COL20A1: variants seen among roughly 807,000 people sequenced by gnomAD.
COL20A1 encodes collagen alpha-1(XX) chain.
COL20A1 carries 164 observed loss-of-function variants against 152.9 expected under a neutral mutation model. The ratio of observed to expected loss-of-function variants is 1.07; its 90% CI spans 0.94 to 1.22. COL20A1 has a LOEUF of 1.22. COL20A1 is among the 50% of genes most tolerant of loss of function. The pLI is 0.00. For synonymous variants in COL20A1, 864 were observed against 756.0 expected, an observed-to-expected ratio of 1.14 and a Z score of -2.34; for missense variants, 1,873 against 1,744.8, an observed-to-expected ratio of 1.07 and a Z score of -1.31.
At chr20:63,314,913 C>G (rs551127660) in intron 19 of COL20A1, among the ~76,000 whole-genome samples, 35 of 148,708 alleles carry the variant, frequency 2.4e-4, no homozygotes, top group Middle Eastern at 3.7e-3. Flanking sequence ...CCCTGGCCCC[C>G]AGGACATGCG....
chr20:63,305,353 C>T lies in COL20A1; in HGVS notation c.194-64C>T, dbSNP rs899774227. On this transcript the variant is annotated intron_variant, in intron 3 of 35. Transcript: ENST00000358894. This position sits in a 1 kb window ranked among gnomAD's most constrained non-coding sequence, Gnocchi z 4.9. ...GGAGGAGCCAAGAGGGTTTCACTCC[C>T]CGCCGTGACAGATGCACACACGTGT... The T allele has an allele frequency of 2.2e-5, 30 of 1,333,498 alleles. No individual in the cohort carries two copies. Among genetic ancestry groups the T allele is most frequent in the Admixed American group, 3.7e-5 (1 of 26,948 alleles). 82.6% of individuals were successfully genotyped at this position (1,333,498 alleles called of 1,614,324 possible). A position where few individuals can be genotyped will look rare whatever the true frequency, so the allele number is the denominator to read the frequency against.
intron 20 of COL20A1, 58 bp from the exon 21 acceptor site, chr20:63,316,491 TCCTC>T: frequency 1.4e-6 from 2 of 1,424,832 alleles, no homozygotes; most frequent in Non-Finnish European, 1.9e-6. Flanking sequence ...TCCTGCCCCT[TCCTC>T]CCTCCCCTGC....
At chr20:63,295,065 C>G in intron 1 of COL20A1, 33 bp from the exon 2 acceptor site, 7 of 1,400,856 alleles carry the variant, frequency 5.0e-6, no homozygotes, top group Non-Finnish European at 6.8e-6. Flanking sequence ...GACGGGGGGA[C>G]GGCTGAAGGG....
Position 63,319,138 on chromosome 20 carries a change from C to T in COL20A1, c.2744C>T (p.Ala915Val), listed in dbSNP as rs2068123103. The T allele has an allele frequency of 6.2e-7, 1 of 1,613,186 alleles. No homozygotes were observed. The highest frequency in any genetic ancestry group is 8.5e-7 in the Non-Finnish European group (1 of 1,179,738). ...VRLLPETPREAFALWQMTAED... is the reference protein window; with the variant it reads ...VRLLPETPREVFALWQMTAED... ...CTACTTCCCGAGACACCCCGTGAGG[C>T]CTTCGCGCTGTGGCAGATGACAGCC... Residue 915 changes from alanine (A) to valine (V), a missense_variant, in exon 22 of 36, where the codon GCC (alanine) becomes GTC (valine). Ala to Val is a moderately conservative substitution (Grantham distance 64). Coordinates refer to ENST00000358894, the MANE Select transcript of COL20A1 (RefSeq NM_020882.4). This position sits in a 1 kb window ranked among gnomAD's most constrained non-coding sequence, Gnocchi z 4.4.
In COL20A1 at chr20:63,329,637, C is replaced by A. The variant is rs2068305872; in HGVS notation, c.3834C>A (p.Ser1278Arg). Residue 1278 changes from serine to arginine, a missense_variant, in exon 35 of 36, where the codon AGC (serine) becomes AGA (arginine). Ser to Arg is a moderately radical substitution (Grantham distance 110, BLOSUM62 -1). Transcript: ENST00000358894. Reference sequence around the variant, plus strand: ...GCAGCCCTGGGCAGCAGGGGGCTAGCACCCAGGGCCTCTGGGAGTGACAGG... The same window carrying A: ...GCAGCCCTGGGCAGCAGGGGGCTAGAACCCAGGGCCTCTGGGAGTGACAGG... ...QMGSPGQQGA[S>R]TQGLWE The A allele has an allele frequency of 1.2e-6, 2 of 1,601,678 alleles. No individual in the cohort carries two copies. The highest frequency in any genetic ancestry group is 2.7e-5 in the African/African-American group (2 of 74,840).
At chr20:63,296,972 C>G (rs1249463496) in intron 2 of COL20A1, among the ~76,000 whole-genome samples, 1 of 152,250 alleles carries the variant, frequency 6.6e-6, no homozygotes, top group Non-Finnish European at 1.5e-5. Context: ...CACCAACCCT[C>G]TCCAGAGCCC....
chr20:63,328,235 G>A (rs774323216), intron 33 of COL20A1, 96 bp from the exon 34 acceptor site: 22 of 1,555,574 alleles, frequency 1.4e-5, no homozygotes, highest in African/African-American at 9.5e-5. Context: ...TTCACCCATC[G>A]TTAGCACACC....
At position 63,321,055 on chromosome 20, in the gene COL20A1, T is replaced by G. The variant is rs1601434354; in HGVS notation, c.3196T>G (p.Cys1066Gly). The G allele has an allele frequency of 1.1e-5, 17 of 1,602,594 alleles. No homozygotes were observed. In the African/African-American group the frequency reaches 1.9e-4, roughly 18 times the overall value. Residue 1066 changes from cysteine (C) to glycine (G), a missense_variant, in exon 26 of 36, where the codon TGT becomes GGT. By Grantham distance (159) the Cys-to-Gly change is radical. Transcript: ENST00000358894. Reference protein sequence around the residue: ...TCPAFVSACSCSSETPGPPGP... With the variant: ...TCPAFVSACSGSSETPGPPGP... Reference sequence around the variant, plus strand: ...CCCCGCCTTCGTGTCTGCCTGTTCCTGTTCCTCAGAGACCCCTGGGCCCCC... The same window carrying G: ...CCCCGCCTTCGTGTCTGCCTGTTCCGGTTCCTCAGAGACCCCTGGGCCCCC...
rs1262302388 is a variant in COL20A1, at chr20:63,332,811, C to A, written c.*2095C>A. The A allele has an allele frequency of 6.6e-6, 1 of 152,292 alleles. No individual in the cohort carries two copies. Among genetic ancestry groups the A allele is most frequent in the African/African-American group, 2.4e-5 (1 of 41,458 alleles). 9.4% of individuals were successfully genotyped at this position (152,292 alleles called of 1,614,324 possible). A position where few individuals can be genotyped will look rare whatever the true frequency, so the allele number is the denominator to read the frequency against. On this transcript the variant is annotated 3_prime_UTR_variant, in exon 36 of 36. Coordinates refer to ENST00000358894, the MANE Select transcript of COL20A1 (RefSeq NM_020882.4). ...AGGCAGCGGCCAGCTGGTGCCCAGG[C>A]AGCTTAGGGACTGGTCCCTGAGGCC...
intron 35 of COL20A1, 67 bp downstream of exon 35, chr20:63,329,728 G>A (rs2068307329): frequency 8.6e-7 from 1 of 1,161,614 alleles, no homozygotes; most frequent in African/African-American, 1.6e-5. Context: ...AGCTCCTGAG[G>A]GGCCAACGGG....
chr20:63,311,593 G>T lies in COL20A1; in HGVS notation c.1540-32G>T, dbSNP rs765782240. 35 of 1,610,394 alleles carry T rather than the reference G, an allele frequency of 2.2e-5. No individual in the cohort carries two copies. Among genetic ancestry groups the T allele is most frequent in the Non-Finnish European group, 2.7e-5 (32 of 1,179,560 alleles). On this transcript the variant is annotated intron_variant, in intron 12 of 35. Coordinates refer to ENST00000358894, the MANE Select transcript of COL20A1 (RefSeq NM_020882.4). The surrounding 1 kb of genome is among the most constrained non-coding windows in gnomAD (Gnocchi z 4.4). ...GGCAGAGGAGTGGGGCAGAGCGAGTGGGGGCTGGCCTGGGACGTCATGTCT... is the reference window on the plus strand; with the variant it reads ...GGCAGAGGAGTGGGGCAGAGCGAGTTGGGGCTGGCCTGGGACGTCATGTCT...
intron 7 of COL20A1, 105 bp downstream of exon 7, chr20:63,308,195 G>C: frequency 7.2e-7 from 1 of 1,387,650 alleles, no homozygotes; most frequent in Non-Finnish European, 9.9e-7. Context: ...AAGTGGTGTG[G>C]ACCTGAGCCC....
At chr20:63,312,146 C>T in intron 14 of COL20A1, 91 bp downstream of exon 14, 1 of 1,237,908 alleles carries the variant, frequency 8.1e-7, no homozygotes, top group Non-Finnish European at 1.1e-6. Flanking sequence ...CATCAGATAA[C>T]ACATTCAAAA....
chr20:63,309,645 A>G (rs1190810916), intron 9 of COL20A1, 113 bp from the exon 10 acceptor site: 3 of 1,278,544 alleles, frequency 2.3e-6, no homozygotes, highest in African/African-American at 3.0e-5. Flanking sequence ...ATCTGTCCAC[A>G]GAAGGGCTGG....
In COL20A1 at chr20:63,295,889, C is replaced by T. The variant is rs547381818; in HGVS notation, c.82+700C>T. Among the ~76,000 whole-genome samples, 13 of 152,382 alleles carry T rather than the reference C, an allele frequency of 8.5e-5. 1 individual carries two copies. In the South Asian group the frequency reaches 2.3e-3, roughly 27 times the overall value. ...AACTTGTCCCTGGGCTGGGCCAACG[C>T]GGCGCCTCCCGGCACCTGCAAGCTC... is the stretch of plus-strand genomic sequence containing the variant. On this transcript the variant is annotated intron_variant, in intron 2 of 35. Coordinates refer to ENST00000358894, the MANE Select transcript of COL20A1 (RefSeq NM_020882.4).
chr20:63,297,817 C>G, intron 2 of COL20A1, 93 bp from the exon 3 acceptor site: 2 of 972,162 alleles, frequency 2.1e-6, no homozygotes, highest in Non-Finnish European at 3.2e-6. Flanking sequence ...GTGTTCCTCC[C>G]AAATGCTGAG....
In COL20A1 at chr20:63,320,310, A is replaced by C; in HGVS notation, c.3095A>C (p.Gln1032Pro). 6.2e-7 allele frequency: 1 copy of C among 1,610,818 alleles called. No individual in the cohort carries two copies. Among genetic ancestry groups the C allele is most frequent in the Non-Finnish European group, 8.5e-7 (1 of 1,179,838 alleles). The change falls in exon 25 of 36, where the codon CAG becomes CCG. Residue 1032 changes from glutamine to proline, a missense_variant. By Grantham distance (76) the Gln-to-Pro change is moderately conservative. Coordinates refer to ENST00000358894, the MANE Select transcript of COL20A1 (RefSeq NM_020882.4). ...TTGCAGTTTCAGCTCCAGATGCTGC[A>C]GATCGTGTGCAGTGACACCTGGGCC... ...SSAAFQLQMLQIVCSDTWADE... is the reference protein window; with the variant it reads ...SSAAFQLQMLPIVCSDTWADE...
chr20:63,322,014 G>A (rs117255010), intron 26 of COL20A1, 44 bp from the exon 27 acceptor site: 75,777 of 1,484,858 alleles, frequency 0.051, 2,346 homozygotes, highest in South Asian at 0.071. Flanking sequence ...CCTCTACCTT[G>A]GTTGGGTAGT....
chr20:63,317,183 TTGA>T (rs2068095573), intron 21 of COL20A1, among the ~76,000 whole-genome samples: 1 of 152,120 alleles, frequency 6.6e-6, no homozygotes, highest in Non-Finnish European at 1.5e-5. Flanking sequence ...GTTAAAATGG[TTGA>T]TGATAAAGGC....
Sources: gnomAD v4.1 joint callset for allele counts (sites outside exome capture counted in the v4.1 genomes callset) on GRCh38, gnomAD v4.1.1 for gene constraint, Gnocchi (gnomAD v3.1) non-coding constraint, MANE v1.5 for transcripts, NCBI Gene and HGNC (gene_info 2026-07-23, HGNC 2026-07-21) for gene names.